Variants in PEX14 observed in about 807,000 individuals in gnomAD.
PEX14 encodes the protein peroxisomal membrane protein PEX14.
In PEX14, 15 loss-of-function variants were observed where a neutral mutation model predicts 49.5. The ratio of observed to expected loss-of-function variants is 0.30; its 90% CI spans 0.20 to 0.47. PEX14 has a LOEUF of 0.47. PEX14 is among the 20% of genes least tolerant of loss of function. The pLI, the probability that PEX14 is intolerant of heterozygous loss-of-function variation, is 1.00. For synonymous variants in PEX14, 210 were observed against 212.7 expected (o/e 0.99, Z 0.11); for missense variants, 398 against 494.8 (o/e 0.80, Z 1.86).
chr1:10,508,299 C>T (rs771823331), intron 2 of PEX14, among the ~76,000 whole-genome samples: 8 of 152,068 alleles, frequency 5.3e-5, no homozygotes, highest in South Asian at 4.2e-4. Flanking sequence ...CTCCGCCTCC[C>T]GGATTCATGC....
intron 3 of PEX14, among the ~76,000 whole-genome samples, chr1:10,543,425 C>A (rs998722532): frequency 6.6e-6 from 1 of 152,188 alleles, no homozygotes; most frequent in Admixed American, 6.5e-5. Context: ...TGAGCCACCA[C>A]TCCCGGCCTG....
In PEX14 at chr1:10,495,044, G is replaced by C; in HGVS notation, c.37-230G>C. On this transcript the variant is annotated intron_variant, in intron 1 of 8. Coordinates refer to ENST00000356607, the MANE Select transcript of PEX14 (RefSeq NM_004565.3). This position sits in a 1 kb window ranked among gnomAD's most constrained non-coding sequence, Gnocchi z 4.2. The stretch of plus-strand genomic sequence containing the variant: ...AGAACCAAGCCTTGTTCTTGGAGTG[G>C]TGTGACAAGTGAACCCAGAAACAGT... The C allele has an allele frequency of 3.2e-6, 3 of 937,632 alleles. No individual in the cohort carries two copies. The highest frequency in any genetic ancestry group is 2.5e-6 in the Non-Finnish European group (2 of 786,310). 58.1% of individuals were successfully genotyped at this position (937,632 alleles called of 1,614,324 possible).
chr1:10,541,920 A>G (rs1639027252), intron 3 of PEX14, among the ~76,000 whole-genome samples: 1 of 152,170 alleles, frequency 6.6e-6, no homozygotes, highest in Non-Finnish European at 1.5e-5. Context: ...CGATGGGGAA[A>G]TAGTGCAGAG....
At chr1:10,566,156 T>G (rs1324634364) in intron 3 of PEX14, among the ~76,000 whole-genome samples, 1 of 152,206 alleles carries the variant, frequency 6.6e-6, no homozygotes, top group Admixed American at 6.5e-5. Context: ...TCAGTTGTTC[T>G]CAGCAGTATT....
chr1:10,528,972 A>G (rs757093201), intron 2 of PEX14, among the ~76,000 whole-genome samples: 4 of 152,254 alleles, frequency 2.6e-5, no homozygotes, highest in Non-Finnish European at 5.9e-5. Context: ...TTCTCTAAAC[A>G]GGACTTCAAA....
intron 5 of PEX14, 117 bp downstream of exon 5, chr1:10,618,534 G>A: frequency 1.2e-6 from 1 of 804,330 alleles, no homozygotes; most frequent in Admixed American, 1.9e-5. Context: ...GAGTGTGTTG[G>A]CAGTGAGAGG....
chr1:10,484,284 C>T (rs1641331500), intron 1 of PEX14, among the ~76,000 whole-genome samples: 1 of 151,604 alleles, frequency 6.6e-6, no homozygotes, highest in Admixed American at 6.6e-5. Context: ...ATGATTTGCC[C>T]ACCTCGGCCT....
chr1:10,629,297 C>T lies in PEX14; in HGVS notation c.678-234C>T, dbSNP rs1003415497. ...ATGGGCCTTGCCCAGGGTGGGGGCC[C>T]GGGGGGACCCTGGGCTGTCTGTGGG... On this transcript the variant is annotated intron_variant, in intron 8 of 8. Coordinates refer to ENST00000356607, the MANE Select transcript of PEX14 (RefSeq NM_004565.3). This position sits in a 1 kb window ranked among gnomAD's most constrained non-coding sequence, Gnocchi z 8.5. Among the ~76,000 whole-genome samples the T allele has an allele frequency of 4.6e-5, 7 of 152,172 alleles. No individual in the cohort carries two copies. Among genetic ancestry groups the T allele is most frequent in the Admixed American group, 1.3e-4 (2 of 15,286 alleles).
chr1:10,600,407 G>C (rs892592473), intron 4 of PEX14, among the ~76,000 whole-genome samples: 3 of 151,352 alleles, frequency 2.0e-5, no homozygotes, highest in African/African-American at 7.3e-5. Context: ...GGCAACAAGA[G>C]CGAAACTCTG....
At position 10,514,012 on chromosome 1, in the gene PEX14, C is replaced by T. The variant is rs781465356; in HGVS notation, c.84+18691C>T. Among the ~76,000 whole-genome samples, 14 of 151,738 alleles carry T rather than the reference C, an allele frequency of 9.2e-5. No individual in the cohort carries two copies. The highest frequency in any genetic ancestry group is 1.7e-4 in the African/African-American group (7 of 41,248). ...TTTATATCCTCACTAGAGTGAGCTC[C>T]GCTCCCTGTAATTATTTAACATTAT... On this transcript the variant is annotated intron_variant, in intron 2 of 8. Transcript: ENST00000356607. The surrounding 1 kb of genome is among the most constrained non-coding windows in gnomAD (Gnocchi z 4.4).
At chr1:10,589,382 A>G (rs1222232438) in intron 3 of PEX14, among the ~76,000 whole-genome samples, 1 of 151,992 alleles carries the variant, frequency 6.6e-6, no homozygotes, top group Non-Finnish European at 1.5e-5. Context: ...GCCCATCCCC[A>G]CCCCAACCGG....
At chr1:10,497,738 C>T (rs1641595005) in intron 2 of PEX14, among the ~76,000 whole-genome samples, 1 of 152,090 alleles carries the variant, frequency 6.6e-6, no homozygotes, top group African/African-American at 2.4e-5. Context: ...TGAAGCCAGG[C>T]CTTGAGGAAT....
At chr1:10,515,017 G>C (rs1641946778) in intron 2 of PEX14, among the ~76,000 whole-genome samples, 1 of 152,216 alleles carries the variant, frequency 6.6e-6, no homozygotes, top group African/African-American at 2.4e-5. Flanking sequence ...TGGGAAGAGA[G>C]CGCAGAGGGA....
At chr1:10,617,982 C>T (rs1485672553) in intron 4 of PEX14, among the ~76,000 whole-genome samples, 2 of 152,202 alleles carry the variant, frequency 1.3e-5, no homozygotes, top group Non-Finnish European at 2.9e-5. Flanking sequence ...TCCTGTTATC[C>T]TCTCTGGATC....
intron 2 of PEX14, among the ~76,000 whole-genome samples, chr1:10,505,159 A>G (rs1301554310): frequency 6.6e-6 from 1 of 152,176 alleles, no homozygotes; most frequent in Admixed American, 6.5e-5. Flanking sequence ...GGAGAAGGAG[A>G]ATAAAGAACA....
intron 3 of PEX14, among the ~76,000 whole-genome samples, chr1:10,598,853 G>A (rs757854463): frequency 2.7e-4 from 41 of 149,904 alleles, no homozygotes; most frequent in African/African-American, 9.3e-4. Context: ...GTCTGTTTTC[G>A]TGCATTATTG....
At chr1:10,627,020 C>A (rs949393727) in intron 7 of PEX14, among the ~76,000 whole-genome samples, 1 of 152,186 alleles carries the variant, frequency 6.6e-6, no homozygotes, top group Admixed American at 6.5e-5. Context: ...GCCCACGATA[C>A]CATTATGTCA....
intron 3 of PEX14, among the ~76,000 whole-genome samples, chr1:10,556,174 TCA>T (rs1415606394): frequency 1.3e-5 from 2 of 152,056 alleles, no homozygotes; most frequent in African/African-American, 2.4e-5. Flanking sequence ...TGACAGGGGT[TCA>T]CAGTGTCCTG....
intron 2 of PEX14, among the ~76,000 whole-genome samples, chr1:10,507,034 G>C (rs1311224449): frequency 6.6e-6 from 1 of 152,242 alleles, no homozygotes; most frequent in African/African-American, 2.4e-5. Flanking sequence ...CATAGGCCAG[G>C]AGGGCTTCTA....
Sources: allele counts gnomAD v4.1 joint callset (sites outside exome capture counted in the v4.1 genomes callset), GRCh38; gene constraint gnomAD v4.1.1; non-coding constraint Gnocchi (gnomAD v3.1); transcripts MANE v1.5; gene names NCBI Gene and HGNC (gene_info 2026-07-23, HGNC 2026-07-21).